The following MYBPH variants were observed in gnomAD, a reference collection of about 807,000 sequenced individuals.
MYBPH encodes the protein myosin binding protein H, also known as myosin-binding protein H.
MYBPH carries 49 observed loss-of-function variants against 53.6 expected under a neutral mutation model. That is an observed-to-expected ratio of 0.91 (90% CI 0.73 to 1.16). The LOEUF (loss-of-function observed/expected upper bound fraction) is 1.16, where lower values mean the gene tolerates loss of function less well. Among genes scored for constraint, MYBPH ranks in the 50% most tolerant of loss-of-function variants. The probability of loss-of-function intolerance (pLI) is 0.00; values close to 1 mark genes in which losing one functional copy is unlikely to be tolerated. For missense variants in MYBPH, 558 were observed against 624.1 expected (o/e 0.89, Z 1.13); for synonymous variants, 239 against 249.6 (o/e 0.96, Z 0.40).
At position 203,171,474 on chromosome 1, in the gene MYBPH, G is replaced by A. The variant is rs1655695089; in HGVS notation, c.702C>T (p.Arg234=). Residue 234 remains arginine, a synonymous_variant, in exon 5 of 11, where the codon CGC becomes CGT. Transcript: ENST00000255416. This position sits in a 1 kb window ranked among gnomAD's most constrained non-coding sequence, Gnocchi z 4.2. ...TGDQDSILFI[R]SAQRSDSGRY... is the part of the protein sequence containing the mutation. The stretch of plus-strand genomic sequence containing the variant: ...GGCCAGAGTCGGAGCGCTGGGCCGA[G>A]CGAATGAAGAGGATGGAGTCCTGGT... 1 of 1,613,926 alleles carries A rather than the reference G, an allele frequency of 6.2e-7. No individual in the cohort carries two copies. The highest frequency in any genetic ancestry group is 8.5e-7 in the Non-Finnish European group (1 of 1,180,022).
In MYBPH at chr1:203,169,031, A is replaced by G; in HGVS notation, c.1292T>C (p.Leu431Pro). The G allele has an allele frequency of 6.2e-7, 1 of 1,613,870 alleles. No homozygotes were observed. The highest frequency in any genetic ancestry group is 1.1e-5 in the South Asian group (1 of 91,080). ...EIQGNPKYRA[L>P]SEQGVCTLEI... ...TAGGGTGCAGACGCCTTGCTCAGAG[A>G]GGGCGCGGTATTTGGGGTTGCCCTG... is the stretch of plus-strand genomic sequence containing the variant. The change falls in exon 9 of 11, where the codon CTC becomes CCC. Residue 431 changes from leucine (L) to proline (P), a missense_variant. Transcript: ENST00000255416.
chr1:203,173,507 T>A (rs1655741204), intron 3 of MYBPH, among the ~76,000 whole-genome samples: 1 of 152,224 alleles, frequency 6.6e-6, no homozygotes, highest in Admixed American at 6.5e-5. Context: ...CCTTGGGATC[T>A]CCTTGGGCCT....
chr1:203,174,681 C>G (rs1373038540), intron 2 of MYBPH, 84 bp from the exon 3 acceptor site: 2 of 1,353,462 alleles, frequency 1.5e-6, no homozygotes, highest in Non-Finnish European at 2.0e-6. Flanking sequence ...TGCTGGTGAT[C>G]TGGGGAAATC....
chr1:203,168,364 G>A (rs1655623851), intron 10 of MYBPH, among the ~76,000 whole-genome samples: 1 of 152,234 alleles, frequency 6.6e-6, no homozygotes, highest in Non-Finnish European at 1.5e-5. Context: ...CACCCTTGCT[G>A]AAGATCACTC....
chr1:203,171,546 G>C lies in MYBPH; in HGVS notation c.630C>G (p.His210Gln), dbSNP rs756548623. The C allele has an allele frequency of 1.2e-6, 2 of 1,613,204 alleles. No individual in the cohort carries two copies. The highest frequency in any genetic ancestry group is 1.7e-6 in the Non-Finnish European group (2 of 1,179,870). The change falls in exon 5 of 11, where the codon CAC (histidine) becomes CAG (glutamine). Residue 210 changes from histidine (H) to glutamine (Q), a missense_variant. Coordinates refer to ENST00000255416, the MANE Select transcript of MYBPH (RefSeq NM_004997.3). This position sits in a 1 kb window ranked among gnomAD's most constrained non-coding sequence, Gnocchi z 4.2. ...GKPKPQATWT[H>Q]NGHALDSQRV... ...GCTGGCTGTCCAGGGCATGGCCGTT[G>C]TGGGTCCATGTGGCCTGAGGCTTAG...
At chr1:203,174,339 G>T in intron 3 of MYBPH, 91 bp downstream of exon 3, 2 of 1,495,036 alleles carry the variant, frequency 1.3e-6, no homozygotes, top group Non-Finnish European at 1.8e-6. Flanking sequence ...GGAAATGACT[G>T]CCTGGTTCCC....
At chr1:203,176,518 C>T (rs1274201684), upstream of MYBPH, among the ~76,000 whole-genome samples, 1 of 152,100 alleles carries the variant, frequency 6.6e-6, no homozygotes, top group Non-Finnish European at 1.5e-5. Context: ...ACAGAGAACC[C>T]CTCGCCCTTC....
chr1:203,175,483 T>C (rs749270101), intron 1 of MYBPH, 22 bp from the exon 2 acceptor site: 29 of 1,606,964 alleles, frequency 1.8e-5, no homozygotes, highest in Admixed American at 5.0e-5. Context: ...AAGAGGTTCA[T>C]GGCCAAGAGC....
intron 6 of MYBPH, 141 bp downstream of exon 6, chr1:203,170,920 G>T: frequency 8.6e-7 from 1 of 1,164,456 alleles, no homozygotes; most frequent in Non-Finnish European, 1.2e-6. Context: ...GTCTTGCTAA[G>T]GGCCTCCTAG....
chr1:203,174,042 G>A (rs1655751496), intron 3 of MYBPH, among the ~76,000 whole-genome samples: 1 of 152,206 alleles, frequency 6.6e-6, no homozygotes, highest in Non-Finnish European at 1.5e-5. Flanking sequence ...ACCTTTGAGA[G>A]AATCTGGAAC....
chr1:203,174,420 T>C lies in MYBPH; in HGVS notation c.508+10A>G, dbSNP rs762359068. The stretch of plus-strand genomic sequence containing the variant: ...AGGGCTGGGTAGCTGAAGGCCAGGA[T>C]GGGCTTTACCAATGTTCTCTCGGAT... On this transcript the variant is annotated intron_variant, in intron 3 of 10. Transcript: ENST00000255416. 9.5e-6 allele frequency: 15 copies of C among 1,571,890 alleles called. No individual in the cohort carries two copies. The highest frequency in any genetic ancestry group is 1.4e-5 in the African/African-American group (1 of 74,034).
chr1:203,168,766 T>C, intron 9 of MYBPH, 91 bp from the exon 10 acceptor site: 5 of 1,597,096 alleles, frequency 3.1e-6, no homozygotes, highest in Non-Finnish European at 4.3e-6. Context: ...CTGTCCACCC[T>C]GCCGCTTGGA....
intron 7 of MYBPH, 117 bp downstream of exon 7, chr1:203,170,174 G>C: frequency 3.1e-6 from 4 of 1,289,708 alleles, no homozygotes; most frequent in Middle Eastern, 2.4e-4. Flanking sequence ...TGAGGAGACG[G>C]CAAGTGTTCC....
chr1:203,171,831 A>G lies in MYBPH; in HGVS notation c.597+121T>C. The G allele has an allele frequency of 2.7e-6, 2 of 736,696 alleles. No homozygotes were observed. Among genetic ancestry groups the G allele is most frequent in the Non-Finnish European group, 4.1e-6 (2 of 488,246 alleles). The allele number at this position is 736,696 out of a possible 1,614,324, so 45.6% of individuals were successfully genotyped here. A position where few individuals can be genotyped will look rare whatever the true frequency, so the allele number is the denominator to read the frequency against. ...GAGTCATGTGCATGATTGCGGAAGG[A>G]TGAAGCCGTCTCGCTGGGTCTCAGC... On this transcript the variant is annotated intron_variant, in intron 4 of 10. Coordinates refer to ENST00000255416, the MANE Select transcript of MYBPH (RefSeq NM_004997.3). This position sits in a 1 kb window ranked among gnomAD's most constrained non-coding sequence, Gnocchi z 4.2.
chr1:203,178,627 C>T (rs980194975), upstream of MYBPH, among the ~76,000 whole-genome samples: 1 of 152,218 alleles, frequency 6.6e-6, no homozygotes, highest in African/African-American at 2.4e-5. Context: ...TTCCCAGGGC[C>T]TGCTAGCCTT....
At position 203,168,655 on chromosome 1, in the gene MYBPH, G is replaced by GGC; in HGVS notation, c.*3_*4insGC. On this transcript the variant is annotated 3_prime_UTR_variant, in exon 10 of 11. Transcript: ENST00000255416. ...GCTCCTCATCACAGCCTCCTCCCGTGACTTCAGTGTGCGGCTGAGGCTGGA... is the reference window on the plus strand; with the variant it reads ...GCTCCTCATCACAGCCTCCTCCCGTGGCACTTCAGTGTGCGGCTGAGGCTGGA... 1.5e-6 allele frequency: 2 copies of GGC among 1,348,336 alleles called. No homozygotes were observed. The highest frequency in any genetic ancestry group is 2.0e-6 in the Non-Finnish European group (2 of 1,006,424). 83.5% of individuals were successfully genotyped at this position (1,348,336 alleles called of 1,614,324 possible).
chr1:203,174,703 C>T (rs1206843217), intron 2 of MYBPH, 106 bp from the exon 3 acceptor site: 1 of 1,234,610 alleles, frequency 8.1e-7, no homozygotes, highest in Non-Finnish European at 1.1e-6. Flanking sequence ...GCCTCCCTCT[C>T]TGGGCCTCAT....
At chr1:203,169,158 C>T in intron 8 of MYBPH, 66 bp from the exon 9 acceptor site, 2 of 1,591,798 alleles carry the variant, frequency 1.3e-6, no homozygotes, top group Non-Finnish European at 1.7e-6. Flanking sequence ...AACAGCTATC[C>T]CCAGGCTTAG....
In MYBPH at chr1:203,169,318, C is replaced by T; in HGVS notation, c.1165G>A (p.Ala389Thr). 1.2e-6 allele frequency: 2 copies of T among 1,612,958 alleles called. No individual in the cohort carries two copies. Among genetic ancestry groups the T allele is most frequent in the Non-Finnish European group, 1.7e-6 (2 of 1,179,506 alleles). The part of the protein sequence containing the change: ...SEAPSFTQPL[A>T]DHTSTPGYST... ...TAGCCAGGGGTGGAGGTGTGGTCAG[C>T]CAGGGGCTGGGTGAATGAGGGGGCT... The change falls in exon 8 of 11, where the codon GCT (alanine) becomes ACT (threonine). Residue 389 changes from alanine to threonine, a missense_variant. Ala to Thr is a moderately conservative substitution (Grantham distance 58, BLOSUM62 0). Coordinates refer to ENST00000255416, the MANE Select transcript of MYBPH (RefSeq NM_004997.3).
Sources: allele counts gnomAD v4.1 joint callset (sites outside exome capture counted in the v4.1 genomes callset), GRCh38; gene constraint gnomAD v4.1.1; non-coding constraint Gnocchi (gnomAD v3.1); transcripts MANE v1.5; gene names NCBI Gene and HGNC (gene_info 2026-07-23, HGNC 2026-07-21).